DIP2C: variants seen among roughly 807,000 people sequenced by gnomAD.
DIP2C encodes disco-interacting protein 2 homolog C.
DIP2C carries 33 observed loss-of-function variants against 192.4 expected under a neutral mutation model. The observed-to-expected ratio is 0.17, with a 90% CI of 0.13 to 0.23. DIP2C has a LOEUF of 0.23. Ranked by LOEUF, DIP2C falls within the 10% of genes least tolerant of loss-of-function variation. The probability of loss-of-function intolerance (pLI) is 1.00; values close to 1 mark genes in which losing one functional copy is unlikely to be tolerated. For missense variants in DIP2C, 1,537 were observed against 2,110.1 expected (o/e 0.73, Z 5.32); for synonymous variants, 979 against 864.1 (o/e 1.13, Z -2.33).
chr10:555,300 C>T (rs1848792875), intron 1 of DIP2C, among the ~76,000 whole-genome samples: 1 of 151,986 alleles, frequency 6.6e-6, no homozygotes. Context: ...GTTTTAAGGG[C>T]AGGATCATTT....
At chr10:520,202 G>GGC (rs1346664931) in intron 1 of DIP2C, among the ~76,000 whole-genome samples, 2 of 152,204 alleles carry the variant, frequency 1.3e-5, no homozygotes, top group Non-Finnish European at 2.9e-5. Context: ...CATGCTTACA[G>GGC]GCAAAGTTTC....
In DIP2C at chr10:348,834, A is replaced by C. The variant is rs138314338; in HGVS notation, c.3110-72T>G. ...AGTGCACACTCTCCCTGTCAGCATCAATGCTTGTCTGGGGCAAGTTCAACA... is the reference window on the plus strand; with the variant it reads ...AGTGCACACTCTCCCTGTCAGCATCCATGCTTGTCTGGGGCAAGTTCAACA... On this transcript the variant is annotated intron_variant, in intron 25 of 36. Transcript: ENST00000280886. The C allele has an allele frequency of 5.2e-4, 816 of 1,573,918 alleles. 1 individual carries two copies. Among genetic ancestry groups the C allele is most frequent in the Middle Eastern group, 3.2e-3 (19 of 5,926 alleles).
At chr10:306,041 A>G (rs566176550) in intron 32 of DIP2C, among the ~76,000 whole-genome samples, 9 of 151,886 alleles carry the variant, frequency 5.9e-5, no homozygotes, top group African/African-American at 2.2e-4. Flanking sequence ...GTATTCATGG[A>G]AAGACCAAAT....
intron 9 of DIP2C, among the ~76,000 whole-genome samples, chr10:401,869 G>A (rs886804210): frequency 6.6e-6 from 1 of 151,516 alleles, no homozygotes; most frequent in Non-Finnish European, 1.5e-5. Flanking sequence ...TTATGGACAA[G>A]TTTGGTACAT....
At chr10:359,469 C>T (rs773247498) in intron 22 of DIP2C, among the ~76,000 whole-genome samples, 4 of 152,196 alleles carry the variant, frequency 2.6e-5, no homozygotes, top group Non-Finnish European at 5.9e-5. Flanking sequence ...AGTCTGGACT[C>T]TGTGTAACAG....
At chr10:670,191 CAT>C (rs1220078201) in intron 1 of DIP2C, among the ~76,000 whole-genome samples, 1 of 152,094 alleles carries the variant, frequency 6.6e-6, no homozygotes, top group Non-Finnish European at 1.5e-5. Context: ...CACGTGTGTA[CAT>C]GTGTGCACAT....
intron 1 of DIP2C, among the ~76,000 whole-genome samples, chr10:655,696 ATACTC>A (rs1361710862): frequency 1.3e-5 from 2 of 152,170 alleles, no homozygotes; most frequent in African/African-American, 4.8e-5. Flanking sequence ...GTTCAACTGT[ATACTC>A]TACAATACTA....
chr10:442,840 TCTTA>T (rs1431502226), intron 3 of DIP2C, among the ~76,000 whole-genome samples: 3 of 152,250 alleles, frequency 2.0e-5, no homozygotes, highest in Admixed American at 6.5e-5. Flanking sequence ...TCCATAATTT[TCTTA>T]CTTTGTCTTC....
At chr10:593,990 C>T (rs1290442570) in intron 1 of DIP2C, among the ~76,000 whole-genome samples, 1 of 152,238 alleles carries the variant, frequency 6.6e-6, no homozygotes, top group African/African-American at 2.4e-5. Flanking sequence ...CACGGCGGAA[C>T]TGGCCGTGGA....
At chr10:405,296 G>A (rs575494183) in intron 9 of DIP2C, among the ~76,000 whole-genome samples, 1 of 152,176 alleles carries the variant, frequency 6.6e-6, no homozygotes, top group East Asian at 1.9e-4. Context: ...TTTATCAGGG[G>A]TTTAAAATTC....
At chr10:400,431 A>G (rs1964324958) in intron 9 of DIP2C, among the ~76,000 whole-genome samples, 1 of 152,272 alleles carries the variant, frequency 6.6e-6, no homozygotes, top group Non-Finnish European at 1.5e-5. Context: ...ATTCCCACTA[A>G]GCCCTGTGAA....
intron 1 of DIP2C, chr10:649,899 G>A (rs1222286573): frequency 7.0e-6 from 4 of 574,818 alleles, no homozygotes; most frequent in South Asian, 6.3e-5. Flanking sequence ...TTGTGGGGGG[G>A]TGCCCGTCAC....
chr10:519,960 C>T (rs895825668), intron 1 of DIP2C, among the ~76,000 whole-genome samples: 2 of 152,208 alleles, frequency 1.3e-5, no homozygotes, highest in Non-Finnish European at 1.5e-5. Flanking sequence ...AACCCTTCTC[C>T]GTCTTGGAGC....
intron 1 of DIP2C, among the ~76,000 whole-genome samples, chr10:578,374 C>T (rs899028070): frequency 6.6e-6 from 1 of 152,162 alleles, no homozygotes; most frequent in African/African-American, 2.4e-5. Context: ...ATTTATTGAG[C>T]TGAGGGCTGA....
At chr10:655,702 T>A (rs1856248368) in intron 1 of DIP2C, among the ~76,000 whole-genome samples, 1 of 152,178 alleles carries the variant, frequency 6.6e-6, no homozygotes, top group Non-Finnish European at 1.5e-5. Context: ...CTGTATACTC[T>A]ACAATACTAT....
In DIP2C at chr10:415,937, A is replaced by G. The variant is rs767650752; in HGVS notation, c.740-49T>C. ...GGGGAAAGCGATCATCACAGCTTCA[A>G]TGAGCACCCACAGTCCCACAGTCCC... is the stretch of plus-strand genomic sequence containing the variant. On this transcript the variant is annotated intron_variant, in intron 6 of 36. Transcript: ENST00000280886. 28 of 1,611,224 alleles carry G rather than the reference A, an allele frequency of 1.7e-5. No homozygotes were observed. In the South Asian group the frequency reaches 2.9e-4, roughly 16 times the overall value.
intron 1 of DIP2C, among the ~76,000 whole-genome samples, chr10:601,649 C>CGTAA (rs1239802366): frequency 6.6e-6 from 1 of 152,192 alleles, no homozygotes; most frequent in Admixed American, 6.5e-5. Context: ...AAGTCTACCC[C>CGTAA]GTAAGCAGAA....
Position 327,067 on chromosome 10 carries a change from A to G in DIP2C, c.3863T>C (p.Leu1288Pro). The change falls in exon 31 of 37, where the codon CTT becomes CCT. Residue 1288 changes from leucine to proline, a missense_variant. Leu to Pro is a moderately conservative substitution (Grantham distance 98). Transcript: ENST00000280886. ...SFSKLFKDLG[L>P]HPRAVSTSFG... ...CGAGGTGCTGACGGCCCGCGGGTGA[A>G]GGCCCAGGTCCTTAAACAGCTTTGA... 1 of 1,614,160 alleles carries G rather than the reference A, an allele frequency of 6.2e-7. No homozygotes were observed. The highest frequency in any genetic ancestry group is 8.5e-7 in the Non-Finnish European group (1 of 1,180,024).
chr10:556,154 C>T (rs1298730985), intron 1 of DIP2C, among the ~76,000 whole-genome samples: 5 of 119,794 alleles, frequency 4.2e-5, no homozygotes, highest in East Asian at 2.5e-4. Flanking sequence ...GATCCGAGGA[C>T]GGCACCCACC....
Sources: allele counts gnomAD v4.1 joint callset (sites outside exome capture counted in the v4.1 genomes callset), GRCh38; gene constraint gnomAD v4.1.1; transcripts MANE v1.5; gene names NCBI Gene and HGNC (gene_info 2026-07-23, HGNC 2026-07-21).